The following LDLRAD3 variants were observed in gnomAD, a reference collection of about 807,000 sequenced individuals.
The protein encoded by LDLRAD3 is low density lipoprotein receptor class A domain containing 3, also known as low-density lipoprotein receptor class A domain-containing protein 3.
In LDLRAD3, 20 loss-of-function variants were observed where a neutral mutation model predicts 29.4. The ratio of observed to expected loss-of-function variants is 0.68; its 90% CI spans 0.48 to 0.99. LDLRAD3 has a LOEUF of 0.99. LDLRAD3 is among the 50% of genes least tolerant of loss of function. LDLRAD3 has a pLI of 0.00. For synonymous variants in LDLRAD3, 157 were observed against 192.7 expected, an observed-to-expected ratio of 0.81 and a Z score of 1.53; for missense variants, 420 against 454.3, an observed-to-expected ratio of 0.92 and a Z score of 0.69.
At chr11:36,207,011 C>G (rs573054185) in intron 4 of LDLRAD3, among the ~76,000 whole-genome samples, 1 of 152,292 alleles carries the variant, frequency 6.6e-6, no homozygotes, top group East Asian at 1.9e-4. Flanking sequence ...CAGGCATGAA[C>G]CACTGCACCC....
At position 36,225,494 on chromosome 11, in the gene LDLRAD3, G is replaced by T. The variant is rs71481906; in HGVS notation, c.455-1591G>T. 5.0e-4 allele frequency among the ~76,000 whole-genome samples: 76 copies of T among 152,274 alleles called. 1 individual carries two copies. In the South Asian group the frequency reaches 9.3e-3, roughly 19 times the overall value. ...GAGAAGGCTATTATGATAGCAACCT[G>T]CAGGGGTGGGATGTGTACCAGACCT... On this transcript the variant is annotated intron_variant, in intron 4 of 5. Coordinates refer to ENST00000315571, the MANE Select transcript of LDLRAD3 (RefSeq NM_174902.4).
chr11:36,012,525 A>G (rs537216939), intron 1 of LDLRAD3, among the ~76,000 whole-genome samples: 6 of 152,316 alleles, frequency 3.9e-5, no homozygotes, highest in Admixed American at 6.5e-5. Flanking sequence ...ATTAAATAAA[A>G]TTGGTTACTG....
chr11:36,000,478 A>G (rs1851809717), intron 1 of LDLRAD3, among the ~76,000 whole-genome samples: 1 of 151,826 alleles, frequency 6.6e-6, no homozygotes. Context: ...CATCCATCTC[A>G]GTAATATTTT....
chr11:36,066,591 C>A (rs1852797750), intron 2 of LDLRAD3, among the ~76,000 whole-genome samples: 1 of 152,206 alleles, frequency 6.6e-6, no homozygotes, highest in South Asian at 2.1e-4. Context: ...CCTTTAAAAA[C>A]CCCTTTACAT....
intron 1 of LDLRAD3, among the ~76,000 whole-genome samples, chr11:35,998,407 C>T (rs1168912581): frequency 6.6e-6 from 1 of 152,170 alleles, no homozygotes; most frequent in Non-Finnish European, 1.5e-5. Flanking sequence ...TAGATTGATT[C>T]TCTGAGGCCT....
At chr11:36,160,172 C>T (rs1314982513) in intron 4 of LDLRAD3, among the ~76,000 whole-genome samples, 1 of 152,160 alleles carries the variant, frequency 6.6e-6, no homozygotes, top group African/African-American at 2.4e-5. Flanking sequence ...GGTGAATGAA[C>T]GTCCTGGTGA....
In LDLRAD3 at chr11:36,098,413, A is replaced by AAT. The variant is rs1159469756; in HGVS notation, c.408_409dup (p.Asn137IlefsTer25). 1 of 1,614,108 alleles carries AAT rather than the reference A, an allele frequency of 6.2e-7. No individual in the cohort carries two copies. Among genetic ancestry groups the AAT allele is most frequent in the East Asian group, 2.2e-5 (1 of 44,900 alleles). On this transcript the variant is annotated frameshift_variant, in exon 4 of 6. Transcript: ENST00000315571. LOFTEE classifies it high-confidence loss of function. ...CAAGAGCTTCATCTGCGATGGACAGAATAACTGTCAAGACAACAGTGATGA... is the reference window on the plus strand; with the variant it reads ...CAAGAGCTTCATCTGCGATGGACAGAATATAACTGTCAAGACAACAGTGATGA...
chr11:36,108,319 CAAAAAAAAAAAAAAAAAAA>C (rs60376519), intron 4 of LDLRAD3, among the ~76,000 whole-genome samples: 2 of 48,980 alleles, frequency 4.1e-5, no homozygotes, highest in East Asian at 1.3e-3. Flanking sequence ...GACTCCATCT[CAAAAAAAAAAAAAAAAAAA>C]AAAAAAAAAA....
At position 36,011,804 on chromosome 11, in the gene LDLRAD3, G is replaced by A. The variant is rs142730854; in HGVS notation, c.47-24299G>A. Among the ~76,000 whole-genome samples the A allele has an allele frequency of 8.5e-3, 1,295 of 152,188 alleles. 32 individuals carry two copies. The highest frequency in any genetic ancestry group is 0.047 in the Admixed American group (720 of 15,284). On this transcript the variant is annotated intron_variant, in intron 1 of 5. Transcript: ENST00000315571. The stretch of plus-strand genomic sequence containing the variant: ...GGAAAATGGGTATAAGTAGCTACCC[G>A]ATGCAGTGTGGATTAAATGACAAAC...
chr11:36,220,524 A>T (rs1032082503), intron 4 of LDLRAD3, among the ~76,000 whole-genome samples: 7 of 152,274 alleles, frequency 4.6e-5, no homozygotes, highest in Admixed American at 4.6e-4. Context: ...GATGAATCTC[A>T]AAAGCAGTGT....
chr11:36,079,504 G>A (rs988284751), intron 2 of LDLRAD3, among the ~76,000 whole-genome samples: 4 of 152,224 alleles, frequency 2.6e-5, no homozygotes, highest in African/African-American at 9.6e-5. Context: ...CAAGGTAGTA[G>A]ATATCACCTC....
chr11:36,134,167 C>T (rs12417545), intron 4 of LDLRAD3, among the ~76,000 whole-genome samples: 36,427 of 152,046 alleles, frequency 0.24, 5,177 homozygotes, highest in East Asian at 0.38. Context: ...AAAATCATAA[C>T]ATCAGCATCT....
Position 36,074,495 on chromosome 11 carries a change from C to T in LDLRAD3, c.194-7158C>T, listed in dbSNP as rs976994256. On this transcript the variant is annotated intron_variant, in intron 2 of 5. Coordinates refer to ENST00000315571, the MANE Select transcript of LDLRAD3 (RefSeq NM_174902.4). ...CTGAGGTGGGAATATGCTGGCTGGG[C>T]TTGAGAAGGAACAAGGAAGCCTGTG... Among the ~76,000 whole-genome samples the T allele has an allele frequency of 2.0e-5, 3 of 152,110 alleles. No individual in the cohort carries two copies. The South Asian group carries it at 6.2e-4, about 32-fold the overall frequency.
chr11:36,104,609 C>A (rs1853499598), intron 4 of LDLRAD3, among the ~76,000 whole-genome samples: 1 of 152,142 alleles, frequency 6.6e-6, no homozygotes, highest in South Asian at 2.1e-4. Flanking sequence ...AACTGCATGT[C>A]AGGCACCATT....
chr11:36,178,227 A>C (rs1040528411), intron 4 of LDLRAD3, among the ~76,000 whole-genome samples: 2 of 152,180 alleles, frequency 1.3e-5, no homozygotes. Context: ...CTCATCCTGC[A>C]GAAGCCCTTG....
intron 1 of LDLRAD3, among the ~76,000 whole-genome samples, chr11:35,957,246 C>G (rs1203445983): frequency 6.6e-6 from 1 of 152,030 alleles, no homozygotes; most frequent in Non-Finnish European, 1.5e-5. Context: ...CTGCTTTTTT[C>G]ACTTCTGAAT....
chr11:35,951,109 A>G (rs925980449), intron 1 of LDLRAD3, among the ~76,000 whole-genome samples: 1 of 152,062 alleles, frequency 6.6e-6, no homozygotes, highest in South Asian at 2.1e-4. Context: ...AAAAAAATAC[A>G]CAGACTGAGT....
At chr11:36,041,654 C>A (rs888616490) in intron 2 of LDLRAD3, among the ~76,000 whole-genome samples, 18 of 152,322 alleles carry the variant, frequency 1.2e-4, no homozygotes, top group Non-Finnish European at 2.2e-4. Flanking sequence ...ATTTCCAGAA[C>A]CCACAGGGGA....
At chr11:36,133,354 CTTTCTTTTCTTTTCT>C (rs72293435) in intron 4 of LDLRAD3, among the ~76,000 whole-genome samples, 29,057 of 130,126 alleles carry the variant, frequency 0.22, 3,687 homozygotes, top group East Asian at 0.37. Context: ...TTTTCTTTTC[CTTTCTTTTCTTTTCT>C]TTTCTTTTCT....
Sources: gnomAD v4.1 joint callset for allele counts (sites outside exome capture counted in the v4.1 genomes callset) on GRCh38, gnomAD v4.1.1 for gene constraint, MANE v1.5 for transcripts, NCBI Gene and HGNC (gene_info 2026-07-23, HGNC 2026-07-21) for gene names.